SETD5: variants seen among roughly 807,000 people sequenced by gnomAD.
SETD5 encodes histone-lysine N-methyltransferase SETD5.
Under a neutral mutation model 153.3 loss-of-function variants are expected in SETD5, and 44 were observed. The ratio of observed to expected loss-of-function variants is 0.29; its 90% CI spans 0.23 to 0.37. The LOEUF (loss-of-function observed/expected upper bound fraction) is 0.37. Among genes scored for constraint, SETD5 ranks in the 10% least tolerant of loss-of-function variants. SETD5 has a pLI of 1.00. For missense variants in SETD5, 1,544 were observed against 1,768.0 expected (o/e 0.87, Z 2.27); for synonymous variants, 716 against 645.2 (o/e 1.11, Z -1.66).
In SETD5 at chr3:9,432,216, G is replaced by C. The variant is rs1006500896; in HGVS notation, c.72-1629G>C. 4 of 862,938 alleles carry C rather than the reference G, an allele frequency of 4.6e-6. No homozygotes were observed. The East Asian group carries it at 4.9e-4, about 105-fold the overall frequency. The allele number at this position is 862,938 out of a possible 1,614,324, so 53.5% of individuals were successfully genotyped here. ...GACACTTTTAAGTAATAAAATGCAT[G>C]CACCTCACTAACAGAGAATACTTTC... On this transcript the variant is annotated intron_variant, in intron 3 of 22. Transcript: ENST00000402198.
chr3:9,464,365 C>G, intron 17 of SETD5, 60 bp from the exon 18 acceptor site: 2 of 1,564,962 alleles, frequency 1.3e-6, no homozygotes, highest in Non-Finnish European at 1.7e-6. Flanking sequence ...AATGGCTTTA[C>G]TGTAGAGCCT....
chr3:9,444,999 G>A (rs2041765974), intron 11 of SETD5, 49 bp from the exon 12 acceptor site: 3 of 1,583,174 alleles, frequency 1.9e-6, no homozygotes, highest in Middle Eastern at 1.7e-4. Context: ...TAATGTAACT[G>A]AATTTCAAGG....
chr3:9,449,748 A>T (rs913959827), intron 16 of SETD5, among the ~76,000 whole-genome samples: 2 of 152,204 alleles, frequency 1.3e-5, no homozygotes, highest in Non-Finnish European at 2.9e-5. Flanking sequence ...AAGGAAGGAC[A>T]CTACTGCTGA....
intron 1 of SETD5, among the ~76,000 whole-genome samples, chr3:9,418,300 C>T: frequency 6.6e-6 from 1 of 152,230 alleles, no homozygotes; most frequent in Non-Finnish European, 1.5e-5. Context: ...TCTACAGATG[C>T]CAGCTAGATT....
intron 11 of SETD5, among the ~76,000 whole-genome samples, chr3:9,444,607 T>TA (rs968824938): frequency 2.8e-4 from 43 of 152,194 alleles, no homozygotes; most frequent in Middle Eastern, 3.4e-3. Flanking sequence ...TTGAAAGTGT[T>TA]ACGTCAGGCG....
chr3:9,445,962 G>GTTTTTTTTTTTTTTT lies in SETD5; in HGVS notation c.1524+224_1524+225insTTTTTTTTTTTTTTT, dbSNP rs1432231015. Among the ~76,000 whole-genome samples the GTTTTTTTTTTTTTTT allele has an allele frequency of 6.0e-4, 72 of 120,238 alleles. 2 individuals are homozygous for GTTTTTTTTTTTTTTT. Among genetic ancestry groups the GTTTTTTTTTTTTTTT allele is most frequent in the African/African-American group, 1.1e-3 (32 of 28,634 alleles). 78.9% of individuals were successfully genotyped at this position (120,238 alleles called of 152,430 possible). A position where few individuals can be genotyped will look rare whatever the true frequency, so the allele number is the denominator to read the frequency against. On this transcript the variant is annotated intron_variant, in intron 13 of 22. Transcript: ENST00000402198. ...TATTATCTAGTGATGGTTTGAAGAG[G>GTTTTTTTTTTTTTTT]TTGTTTTTTTTTTTTTTTTTTTTTT...
chr3:9,474,627 A>G (rs771615503), intron 21 of SETD5, 45 bp downstream of exon 21: 1 of 1,608,376 alleles, frequency 6.2e-7, no homozygotes, highest in Admixed American at 1.7e-5. Flanking sequence ...GGGACACATG[A>G]GCCGAGTCCT....
chr3:9,431,140 A>G (rs1009847760), intron 3 of SETD5: 2 of 985,362 alleles, frequency 2.0e-6, no homozygotes, highest in Non-Finnish European at 1.2e-6. Context: ...TCTGATGGCA[A>G]CTATATGCAA....
intron 3 of SETD5, chr3:9,432,371 C>T (rs1294256363): frequency 4.2e-6 from 3 of 718,228 alleles, no homozygotes; most frequent in Admixed American, 6.3e-5. Flanking sequence ...CCTCACTTCT[C>T]AATTGACATT....
rs200031380 is a variant in SETD5, at chr3:9,434,355, C to G, written c.199C>G (p.Leu67Val). ...CCAGACGATCATCCCTCGTTCTGACCTGAATGGCCTGCCGTCGCCTGTAGA... is the reference window on the plus strand; with the variant it reads ...CCAGACGATCATCCCTCGTTCTGACGTGAATGGCCTGCCGTCGCCTGTAGA... ...PYATIIPRSD[L>V]NGLPSPVEER... is the part of the protein sequence containing the mutation. The change falls in exon 5 of 23, where the codon CTG becomes GTG. Residue 67 changes from leucine to valine, a missense_variant. By Grantham distance (32) the Leu-to-Val change is conservative. Transcript: ENST00000402198. This position sits in a 1 kb window ranked among gnomAD's most constrained non-coding sequence, Gnocchi z 5.6. 1 of 1,613,870 alleles carries G rather than the reference C, an allele frequency of 6.2e-7. No individual in the cohort carries two copies. Among genetic ancestry groups the G allele is most frequent in the Non-Finnish European group, 8.5e-7 (1 of 1,179,810 alleles).
At chr3:9,470,347 TC>T (rs1352885844) in intron 18 of SETD5, 111 bp from the exon 19 acceptor site, 1 of 788,792 alleles carries the variant, frequency 1.3e-6, no homozygotes. Context: ...CTGCTCTACT[TC>T]CGTCCCTCTT....
chr3:9,429,171 A>T (rs1352209552), intron 3 of SETD5, 162 bp downstream of exon 3: 15 of 407,220 alleles, frequency 3.7e-5, no homozygotes. Context: ...AGGTGGTGGA[A>T]AAAAGGAATT....
intron 1 of SETD5, chr3:9,423,215 A>G (rs1397140507): frequency 6.6e-6 from 1 of 152,260 alleles, no homozygotes; most frequent in Non-Finnish European, 1.5e-5. Flanking sequence ...GAATGATGAT[A>G]CAGAGACTGT....
chr3:9,434,038 T>C lies in SETD5; in HGVS notation c.177+88T>C, dbSNP rs757565118. On this transcript the variant is annotated intron_variant, in intron 4 of 22. Transcript: ENST00000402198. This position sits in a 1 kb window ranked among gnomAD's most constrained non-coding sequence, Gnocchi z 5.6. Reference sequence around the variant, plus strand: ...CATTGTGACTTTCTTGAAATGTTTATATGCAGCATGACGAAGTTGCCCCTT... The same window carrying C: ...CATTGTGACTTTCTTGAAATGTTTACATGCAGCATGACGAAGTTGCCCCTT... 1.9e-6 allele frequency: 3 copies of C among 1,611,534 alleles called. No homozygotes were observed. The highest frequency in any genetic ancestry group is 2.2e-5 in the East Asian group (1 of 44,862).
At chr3:9,405,328 A>G (rs973493879) in intron 1 of SETD5, among the ~76,000 whole-genome samples, 2 of 152,240 alleles carry the variant, frequency 1.3e-5, no homozygotes, top group Admixed American at 6.5e-5. Context: ...ACTAATTTGT[A>G]TAAATCTGAT....
intron 18 of SETD5, among the ~76,000 whole-genome samples, chr3:9,465,796 T>A (rs1010069800): frequency 6.6e-6 from 1 of 152,222 alleles, no homozygotes; most frequent in Non-Finnish European, 1.5e-5. Context: ...ATTTATGAAA[T>A]TCTTTCAGCC....
In SETD5 at chr3:9,475,166, G is replaced by T; in HGVS notation, c.3720+10G>T. Reference sequence around the variant, plus strand: ...CAGATACAGCTACCAGGTGAGATGAGAAATTGCTGGTCTCTAGCCATAGGA... The same window carrying T: ...CAGATACAGCTACCAGGTGAGATGATAAATTGCTGGTCTCTAGCCATAGGA... On this transcript the variant is annotated intron_variant, in intron 22 of 22. Coordinates refer to ENST00000402198, the MANE Select transcript of SETD5 (RefSeq NM_001080517.3). 1.3e-6 allele frequency: 2 copies of T among 1,570,894 alleles called. No homozygotes were observed. Among genetic ancestry groups the T allele is most frequent in the Non-Finnish European group, 1.7e-6 (2 of 1,157,746 alleles).
In SETD5 at chr3:9,475,759, A is replaced by C; in HGVS notation, c.3997A>C (p.Ser1333Arg). The part of the protein sequence containing the change: ...SQPHSGNSTG[S>R]NLPRRSCPSS... Reference sequence around the variant, plus strand: ...GCCACATTCTGGAAACAGCACTGGCAGCAATCTTCCAAGGAGGAGCTGCCC... The same window carrying C: ...GCCACATTCTGGAAACAGCACTGGCCGCAATCTTCCAAGGAGGAGCTGCCC... The change falls in exon 23 of 23, where the codon AGC becomes CGC. Residue 1333 changes from serine (S) to arginine (R), a missense_variant. Physicochemically the swap from Ser to Arg is moderately radical, Grantham distance 110 (BLOSUM62 -1). Transcript: ENST00000402198. The C allele has an allele frequency of 6.2e-7, 1 of 1,613,988 alleles. No homozygotes were observed. Among genetic ancestry groups the C allele is most frequent in the Non-Finnish European group, 8.5e-7 (1 of 1,179,870 alleles).
intron 13 of SETD5, among the ~76,000 whole-genome samples, chr3:9,445,977 T>G (rs1211570354): frequency 8.1e-5 from 12 of 147,390 alleles, no homozygotes; most frequent in Admixed American, 2.7e-4. Context: ...TTTTTTTTTT[T>G]TTTTTTTTTT....
Sources: allele counts gnomAD v4.1 joint callset (sites outside exome capture counted in the v4.1 genomes callset), GRCh38; gene constraint gnomAD v4.1.1; non-coding constraint Gnocchi (gnomAD v3.1); transcripts MANE v1.5; gene names NCBI Gene and HGNC (gene_info 2026-07-23, HGNC 2026-07-21).